CDK17: variants seen among roughly 807,000 people sequenced by gnomAD.
CDK17 encodes the protein cyclin dependent kinase 17, also known as cyclin-dependent kinase 17.
A neutral mutation model predicts 77.6 loss-of-function variants in CDK17; 24 were observed. That is an observed-to-expected ratio of 0.31 (90% CI 0.22 to 0.44). CDK17 has a LOEUF of 0.44. Among genes scored for constraint, CDK17 ranks in the 20% least tolerant of loss-of-function variants. CDK17 has a pLI of 1.00. For missense variants in CDK17, 429 were observed against 622.5 expected (o/e 0.69, Z 3.31); for synonymous variants, 203 against 210.4 (o/e 0.96, Z 0.30).
At position 96,375,578 on chromosome 12, in the gene CDK17, G is replaced by A. The variant is rs1025649925; in HGVS notation, c.-30+24408C>T. 2.1e-5 allele frequency among the ~76,000 whole-genome samples: 3 copies of A among 144,666 alleles called. No individual in the cohort carries two copies. In the East Asian group the frequency reaches 6.3e-4, roughly 30 times the overall value. The allele number at this position is 144,666 out of a possible 152,430, so 94.9% of individuals were successfully genotyped here. On this transcript the variant is annotated intron_variant, in intron 1 of 16. Coordinates refer to ENST00000261211, the MANE Select transcript of CDK17 (RefSeq NM_002595.5). Reference sequence around the variant, plus strand: ...TGCCTAGGCTGGAGTACAATGGCGCGATCTCAGCTCACTGCAACCTCCGCA... The same window carrying A: ...TGCCTAGGCTGGAGTACAATGGCGCAATCTCAGCTCACTGCAACCTCCGCA...
chr12:96,310,772 T>C (rs895708099), intron 5 of CDK17, among the ~76,000 whole-genome samples: 2 of 150,478 alleles, frequency 1.3e-5, no homozygotes, highest in African/African-American at 4.9e-5. Flanking sequence ...CTAGTGTATC[T>C]ATATATCTAG....
intron 5 of CDK17, among the ~76,000 whole-genome samples, chr12:96,308,363 A>T (rs562181046): frequency 6.6e-6 from 1 of 152,034 alleles, no homozygotes; most frequent in Non-Finnish European, 1.5e-5. Context: ...GTGAGCTATG[A>T]TCGTGCTACT....
At position 96,339,556 on chromosome 12, in the gene CDK17, T is replaced by TA. The variant is rs531167302; in HGVS notation, c.-29-4692dup. ...TGTATTTTACAACTTTTTTAAAAAT[T>TA]AAAAAAAAAAACCTTAGTGGCTTCA... On this transcript the variant is annotated intron_variant, in intron 1 of 16. Transcript: ENST00000261211. 2.0e-3 allele frequency among the ~76,000 whole-genome samples: 289 copies of TA among 144,480 alleles called. 2 individuals carry two copies. Among genetic ancestry groups the TA allele is most frequent in the East Asian group, 0.011 (53 of 5,030 alleles). 94.8% of individuals were successfully genotyped at this position (144,480 alleles called of 152,430 possible).
intron 10 of CDK17, among the ~76,000 whole-genome samples, chr12:96,292,041 A>G (rs1340246381): frequency 6.6e-6 from 1 of 152,168 alleles, no homozygotes; most frequent in African/African-American, 2.4e-5. Context: ...CAATTATTAT[A>G]AGGGAAATAA....
At chr12:96,306,777 C>T (rs373351922) in intron 5 of CDK17, among the ~76,000 whole-genome samples, 1 of 152,148 alleles carries the variant, frequency 6.6e-6, no homozygotes, top group Non-Finnish European at 1.5e-5. Flanking sequence ...TTTCCCACTC[C>T]TTTTCCATCC....
At chr12:96,285,901 G>C (rs1952239631) in intron 13 of CDK17, 142 bp downstream of exon 13, 2 of 476,518 alleles carry the variant, frequency 4.2e-6, no homozygotes, top group South Asian at 6.5e-5. Flanking sequence ...AACATATACA[G>C]TTCAAAATTA....
chr12:96,280,943 C>A, intron 15 of CDK17, 58 bp from the exon 16 acceptor site: 1 of 1,337,338 alleles, frequency 7.5e-7, no homozygotes, highest in Non-Finnish European at 1.1e-6. Flanking sequence ...CAAACACAAC[C>A]CTACTATCAA....
chr12:96,283,268 G>A (rs74472817), intron 14 of CDK17, among the ~76,000 whole-genome samples: 4,148 of 152,120 alleles, frequency 0.027, 91 homozygotes, highest in Non-Finnish European at 0.041. Context: ...AAATATGAAT[G>A]GCATTTGGAG....
At chr12:96,366,239 C>G (rs1164994087) in intron 1 of CDK17, among the ~76,000 whole-genome samples, 2 of 152,160 alleles carry the variant, frequency 1.3e-5, no homozygotes, top group Non-Finnish European at 2.9e-5. Flanking sequence ...ACAGTACTGG[C>G]AAGTGTTAGA....
intron 1 of CDK17, among the ~76,000 whole-genome samples, chr12:96,340,290 G>T (rs1953104912): frequency 6.6e-6 from 1 of 151,852 alleles, no homozygotes; most frequent in African/African-American, 2.4e-5. Flanking sequence ...AGAAAATCCT[G>T]GTCTATAAAG....
At chr12:96,392,071 T>C (rs1954077975) in intron 1 of CDK17, among the ~76,000 whole-genome samples, 1 of 152,142 alleles carries the variant, frequency 6.6e-6, no homozygotes, top group Non-Finnish European at 1.5e-5. Context: ...ACGGCCTCTC[T>C]GGAGCACAAC....
In CDK17 at chr12:96,289,150, C is replaced by T. The variant is rs1269919190; in HGVS notation, c.1118+17G>A. On this transcript the variant is annotated intron_variant, in intron 11 of 16. Transcript: ENST00000261211. Reference sequence around the variant, plus strand: ...CTTTCAAAATTATAAATGTCAGTGACATCTGTATATATTTACCACATGTCA... The same window carrying T: ...CTTTCAAAATTATAAATGTCAGTGATATCTGTATATATTTACCACATGTCA... 6.2e-7 allele frequency: 1 copy of T among 1,612,870 alleles called. No individual in the cohort carries two copies. The highest frequency in any genetic ancestry group is 8.5e-7 in the Non-Finnish European group (1 of 1,178,972).
At chr12:96,337,728 G>T (rs187910051) in intron 1 of CDK17, among the ~76,000 whole-genome samples, 1 of 152,176 alleles carries the variant, frequency 6.6e-6, no homozygotes, top group African/African-American at 2.4e-5. Flanking sequence ...TATTTAAGTT[G>T]TACTGAGCTA....
chr12:96,376,254 T>C (rs1394900683), intron 1 of CDK17, among the ~76,000 whole-genome samples: 2 of 152,218 alleles, frequency 1.3e-5, no homozygotes, highest in Admixed American at 1.3e-4. Context: ...CAAATGATTG[T>C]TCACTTTCTA....
chr12:96,281,316 T>C (rs1044553592), intron 15 of CDK17, among the ~76,000 whole-genome samples: 3 of 152,242 alleles, frequency 2.0e-5, no homozygotes, highest in Admixed American at 2.0e-4. Context: ...AAAAGGTTTG[T>C]ATAACCATAA....
intron 1 of CDK17, among the ~76,000 whole-genome samples, chr12:96,349,137 C>T (rs777131122): frequency 6.6e-6 from 1 of 152,068 alleles, no homozygotes; most frequent in East Asian, 1.9e-4. Flanking sequence ...CTCAAGAATG[C>T]GACGGTGGTT....
At chr12:96,340,462 G>A (rs1953106805) in intron 1 of CDK17, among the ~76,000 whole-genome samples, 1 of 151,922 alleles carries the variant, frequency 6.6e-6, no homozygotes, top group Admixed American at 6.6e-5. Context: ...TGGTATAATT[G>A]TAAAATTTTA....
At chr12:96,319,943 T>C (rs1436218731) in intron 3 of CDK17, among the ~76,000 whole-genome samples, 7 of 148,758 alleles carry the variant, frequency 4.7e-5, no homozygotes, top group Admixed American at 1.3e-4. Context: ...TTGGAAGTTC[T>C]GGCCAGGGCA....
At chr12:96,330,341 C>CT (rs1396152089) in intron 2 of CDK17, among the ~76,000 whole-genome samples, 1 of 151,426 alleles carries the variant, frequency 6.6e-6, no homozygotes, top group Non-Finnish European at 1.5e-5. Context: ...TGAGGGAAAG[C>CT]TGAAGCTCAG....
Sources: allele counts gnomAD v4.1 joint callset (sites outside exome capture counted in the v4.1 genomes callset), GRCh38; gene constraint gnomAD v4.1.1; transcripts MANE v1.5; gene names NCBI Gene and HGNC (gene_info 2026-07-23, HGNC 2026-07-21).